The following LSAMP variants were observed in gnomAD, a reference collection of about 807,000 sequenced individuals.
LSAMP encodes limbic system associated membrane protein, also known as limbic system-associated membrane protein.
LSAMP carries 7 observed loss-of-function variants against 38.6 expected under a neutral mutation model. The ratio of observed to expected loss-of-function variants is 0.18; its 90% CI spans 0.10 to 0.34. LSAMP has a LOEUF of 0.34. Ranked by LOEUF, LSAMP falls within the 10% of genes least tolerant of loss-of-function variation. The pLI is 1.00. For missense variants in LSAMP, 313 were observed against 420.0 expected, an observed-to-expected ratio of 0.75 and a Z score of 2.23; for synonymous variants, 154 against 166.8, an observed-to-expected ratio of 0.92 and a Z score of 0.59.
chr3:116,137,106 C>G (rs376921155), intron 1 of LSAMP, among the ~76,000 whole-genome samples: 2 of 152,072 alleles, frequency 1.3e-5, no homozygotes, highest in African/African-American at 4.8e-5. Flanking sequence ...ATTCCAATTG[C>G]TGCTGGATTC....
intron 1 of LSAMP, among the ~76,000 whole-genome samples, chr3:116,269,959 G>A (rs1021182887): frequency 1.4e-4 from 21 of 152,220 alleles, no homozygotes; most frequent in South Asian, 4.1e-4. Context: ...GTGTCTACAC[G>A]CCCATGGGGG....
chr3:116,095,686 TC>T (rs1559740664), intron 1 of LSAMP, among the ~76,000 whole-genome samples: 1 of 152,220 alleles, frequency 6.6e-6, no homozygotes, highest in African/African-American at 2.4e-5. Flanking sequence ...CCGATTTCTA[TC>T]CCAGTCACAG....
At chr3:116,105,122 A>C (rs567178613) in intron 1 of LSAMP, among the ~76,000 whole-genome samples, 2 of 152,098 alleles carry the variant, frequency 1.3e-5, no homozygotes, top group African/African-American at 4.8e-5. Context: ...AGCATGATGA[A>C]GGCATTCATA....
At chr3:116,366,344 C>A (rs147888407) in intron 1 of LSAMP, among the ~76,000 whole-genome samples, 2 of 152,296 alleles carry the variant, frequency 1.3e-5, no homozygotes, top group Non-Finnish European at 2.9e-5. Context: ...CATGTGACTT[C>A]TGTCAAAAAG....
At chr3:116,315,177 C>T (rs1012366939) in intron 1 of LSAMP, among the ~76,000 whole-genome samples, 2 of 152,126 alleles carry the variant, frequency 1.3e-5, no homozygotes, top group African/African-American at 4.8e-5. Flanking sequence ...ATTGTTCTTA[C>T]CCATATCCCA....
intron 1 of LSAMP, among the ~76,000 whole-genome samples, chr3:116,174,976 C>T (rs1286171331): frequency 6.6e-6 from 1 of 152,030 alleles, no homozygotes; most frequent in Non-Finnish European, 1.5e-5. Context: ...GCCGACTTCT[C>T]CACTATCCAC....
At chr3:116,283,182 G>C (rs1163814546) in intron 1 of LSAMP, among the ~76,000 whole-genome samples, 7 of 148,388 alleles carry the variant, frequency 4.7e-5, no homozygotes, top group African/African-American at 1.2e-4. Context: ...TAAAGAAAGA[G>C]AGGAAAAAAA....
At chr3:116,302,631 A>G (rs901845209) in intron 1 of LSAMP, among the ~76,000 whole-genome samples, 1 of 152,210 alleles carries the variant, frequency 6.6e-6, no homozygotes, top group Non-Finnish European at 1.5e-5. Context: ...CCAGATGGCT[A>G]TGGTGTTTTA....
intron 1 of LSAMP, among the ~76,000 whole-genome samples, chr3:116,432,238 C>G (rs762608501): frequency 6.6e-6 from 1 of 151,706 alleles, no homozygotes; most frequent in Non-Finnish European, 1.5e-5. Context: ...GACCCAAGTT[C>G]AAAGTAATAT....
chr3:115,955,177 G>A (rs1381511810), intron 3 of LSAMP, among the ~76,000 whole-genome samples: 1 of 152,022 alleles, frequency 6.6e-6, no homozygotes, highest in Non-Finnish European at 1.5e-5. Context: ...CTCGTGATCC[G>A]CCGGCTTCGG....
At chr3:116,124,518 T>G (rs953343276) in intron 1 of LSAMP, among the ~76,000 whole-genome samples, 1 of 152,206 alleles carries the variant, frequency 6.6e-6, no homozygotes, top group Non-Finnish European at 1.5e-5. Flanking sequence ...TTTAAGCATT[T>G]TAAATTCATT....
chr3:116,221,144 C>G (rs1189470093), intron 1 of LSAMP, among the ~76,000 whole-genome samples: 2 of 5,860 alleles, frequency 3.4e-4, no homozygotes, highest in Non-Finnish European at 6.7e-4. Flanking sequence ...GAGCGAGACT[C>G]TGTCTCAAAA....
intron 1 of LSAMP, among the ~76,000 whole-genome samples, chr3:116,107,144 C>T (rs187057093): frequency 6.6e-6 from 1 of 152,090 alleles, no homozygotes; most frequent in East Asian, 1.9e-4. Flanking sequence ...TCAGGCGGAT[C>T]AGAGAGATAC....
intron 2 of LSAMP, among the ~76,000 whole-genome samples, chr3:116,039,196 T>C (rs528857146): frequency 1.1e-4 from 16 of 152,328 alleles, no homozygotes; most frequent in African/African-American, 2.6e-4. Context: ...AATGATTGAA[T>C]TGAATGTTTT....
At chr3:116,003,686 G>C (rs1940066652) in intron 3 of LSAMP, among the ~76,000 whole-genome samples, 1 of 152,136 alleles carries the variant, frequency 6.6e-6, no homozygotes, top group African/African-American at 2.4e-5. Context: ...ATAAGAGAAA[G>C]GGAAGGGAGA....
intron 1 of LSAMP, among the ~76,000 whole-genome samples, chr3:116,358,144 T>C (rs911113847): frequency 6.6e-6 from 1 of 152,160 alleles, no homozygotes; most frequent in African/African-American, 2.4e-5. Flanking sequence ...TGCTTCATGG[T>C]TGACAGGCAG....
At chr3:115,817,197 G>A (rs1239598747) in intron 6 of LSAMP, among the ~76,000 whole-genome samples, 1 of 152,132 alleles carries the variant, frequency 6.6e-6, no homozygotes. Context: ...CAACTCGAAA[G>A]GGACTCCTCT....
intron 1 of LSAMP, among the ~76,000 whole-genome samples, chr3:116,319,045 G>GC (rs2047672039): frequency 6.6e-6 from 1 of 152,072 alleles, no homozygotes; most frequent in African/African-American, 2.4e-5. Context: ...TATAGAATTG[G>GC]GGGGGTGGGG....
At chr3:116,169,348 T>G (rs1036580002) in intron 1 of LSAMP, among the ~76,000 whole-genome samples, 1 of 152,220 alleles carries the variant, frequency 6.6e-6, no homozygotes. Context: ...GTGGAACAGT[T>G]GTGCTTGAGG....
Sources: gnomAD v4.1 joint callset for allele counts (sites outside exome capture counted in the v4.1 genomes callset) on GRCh38, gnomAD v4.1.1 for gene constraint, MANE v1.5 for transcripts, NCBI Gene and HGNC (gene_info 2026-07-23, HGNC 2026-07-21) for gene names.